TENM3: variants seen among roughly 807,000 people sequenced by gnomAD.
The protein encoded by TENM3 is teneurin-3.
Under a neutral mutation model 255.1 loss-of-function variants are expected in TENM3, and 63 were observed. That is an observed-to-expected ratio of 0.25 (90% CI 0.20 to 0.30). The LOEUF (loss-of-function observed/expected upper bound fraction) is 0.30, where lower values mean the gene tolerates loss of function less well. TENM3 is among the 10% of genes least tolerant of loss of function. The pLI, the probability that TENM3 is intolerant of heterozygous loss-of-function variation, is 1.00. For synonymous variants in TENM3, 1,306 were observed against 1,322.3 expected, an observed-to-expected ratio of 0.99 and a Z score of 0.27; for missense variants, 2,929 against 3,461.1, an observed-to-expected ratio of 0.85 and a Z score of 3.86.
At chr4:182,724,867 A>G (rs934929671) in intron 13 of TENM3, among the ~76,000 whole-genome samples, 4 of 152,228 alleles carry the variant, frequency 2.6e-5, no homozygotes, top group Non-Finnish European at 5.9e-5. Context: ...AAAACCTGCA[A>G]GAATATCAGA....
chr4:181,782,366 G>C, the TENM3 span, among the ~76,000 whole-genome samples: 1 of 152,076 alleles, frequency 6.6e-6, no homozygotes, highest in Non-Finnish European at 1.5e-5. Flanking sequence ...TATGTGTCCA[G>C]GAATTTATCC....
At chr4:181,490,935 A>G in the TENM3 span, among the ~76,000 whole-genome samples, 4 of 151,950 alleles carry the variant, frequency 2.6e-5, no homozygotes, top group African/African-American at 9.7e-5. Flanking sequence ...TTTCCCCTCT[A>G]CCCTCCAAAA....
chr4:181,743,171 T>G, the TENM3 span, among the ~76,000 whole-genome samples: 11 of 152,136 alleles, frequency 7.2e-5, no homozygotes, highest in African/African-American at 2.4e-4. Context: ...GCATGATTTA[T>G]AGTCCTTTGG....
At chr4:182,597,898 G>A (rs1442558654) in intron 3 of TENM3, among the ~76,000 whole-genome samples, 2 of 152,194 alleles carry the variant, frequency 1.3e-5, no homozygotes, top group African/African-American at 2.4e-5. Flanking sequence ...TTTCTGTCCA[G>A]GCCAGGCACA....
At position 182,729,189 on chromosome 4, in the gene TENM3, C is replaced by T. The variant is rs1273275892; in HGVS notation, c.2585+8C>T. On this transcript the variant is annotated splice_region_variant and intron_variant, in intron 14 of 27. Coordinates refer to ENST00000511685, the MANE Select transcript of TENM3 (RefSeq NM_001080477.4). ...AAGTCCTTTCAATAAGAGGTTAATG[C>T]TTCTTTTCCATATGTAGATTTGTAA... 6.3e-7 allele frequency: 1 copy of T among 1,599,880 alleles called. No individual in the cohort carries two copies.
At chr4:182,610,266 A>G (rs978345421) in intron 4 of TENM3, among the ~76,000 whole-genome samples, 4 of 152,250 alleles carry the variant, frequency 2.6e-5, no homozygotes, top group African/African-American at 9.6e-5. Context: ...TCATTTATGC[A>G]GGAAATATTG....
chr4:181,515,919 A>G, the TENM3 span, among the ~76,000 whole-genome samples: 6 of 152,348 alleles, frequency 3.9e-5, no homozygotes, highest in African/African-American at 1.4e-4. Flanking sequence ...AGCACTCTTC[A>G]CAATACCAAA....
intron 1 of TENM3, among the ~76,000 whole-genome samples, chr4:182,299,013 A>AGGT (rs111604362): frequency 0.095 from 8,914 of 94,056 alleles, 1,397 homozygotes; most frequent in African/African-American, 0.31. Flanking sequence ...AAAAAAAAAA[A>AGGT]AAAGAGGTAA....
the TENM3 span, among the ~76,000 whole-genome samples, chr4:182,094,246 T>G: frequency 6.6e-6 from 1 of 151,530 alleles, no homozygotes; most frequent in African/African-American, 2.4e-5. Flanking sequence ...AGACTCATTC[T>G]TTACTTTTTT....
the TENM3 span, among the ~76,000 whole-genome samples, chr4:181,719,208 G>A: frequency 2.2e-5 from 3 of 139,374 alleles, no homozygotes; most frequent in Admixed American, 7.2e-5. Flanking sequence ...GCGAGACTCC[G>A]TCTCAAAAAA....
chr4:182,453,105 A>G (rs1482422729), intron 3 of TENM3, among the ~76,000 whole-genome samples: 1 of 152,092 alleles, frequency 6.6e-6, no homozygotes, highest in African/African-American at 2.4e-5. Flanking sequence ...CAGTTGTTTT[A>G]GGATTGTTGT....
the TENM3 span, among the ~76,000 whole-genome samples, chr4:181,755,395 A>G: frequency 1.9e-3 from 293 of 152,028 alleles, no homozygotes; most frequent in African/African-American, 6.4e-3. Flanking sequence ...CTGGTATAAC[A>G]TGATTCTAGG....
rs1245660810 is a variant in TENM3 at position 182,474,011 on chromosome 4, G to C, written c.512-126913G>C. 3.3e-5 allele frequency among the ~76,000 whole-genome samples: 5 copies of C among 152,138 alleles called. No homozygotes were observed. In the South Asian group the frequency reaches 1.0e-3, roughly 31 times the overall value. ...AAATTGTATTGGAAATGTATCTCCTGATGAGATGAGGTGGTAATTATAATT... is the reference window on the plus strand; with the variant it reads ...AAATTGTATTGGAAATGTATCTCCTCATGAGATGAGGTGGTAATTATAATT... On this transcript the variant is annotated intron_variant, in intron 3 of 27. Transcript: ENST00000511685.
At chr4:181,865,421 G>A in the TENM3 span, among the ~76,000 whole-genome samples, 1 of 152,148 alleles carries the variant, frequency 6.6e-6, no homozygotes, top group Admixed American at 6.5e-5. Context: ...CAAAGGGACA[G>A]AAGACACAAA....
chr4:181,855,795 G>T, the TENM3 span, among the ~76,000 whole-genome samples: 1 of 150,810 alleles, frequency 6.6e-6, no homozygotes, highest in Non-Finnish European at 1.5e-5. Context: ...AAAGAAAACA[G>T]AAAATGAGAA....
chr4:181,884,950 T>C, the TENM3 span, among the ~76,000 whole-genome samples: 1 of 152,172 alleles, frequency 6.6e-6, no homozygotes, highest in Non-Finnish European at 1.5e-5. Context: ...TTGGAAATGT[T>C]TTTATGGAAA....
chr4:181,875,513 G>A, the TENM3 span, among the ~76,000 whole-genome samples: 1 of 150,860 alleles, frequency 6.6e-6, no homozygotes, highest in Non-Finnish European at 1.5e-5. Flanking sequence ...GTCAAAATGT[G>A]TCTTTGAGAA....
chr4:181,550,562 G>T, the TENM3 span, among the ~76,000 whole-genome samples: 38 of 152,102 alleles, frequency 2.5e-4, no homozygotes, highest in African/African-American at 9.2e-4. Context: ...TGACACTGAT[G>T]CACTGATATA....
intron 13 of TENM3, among the ~76,000 whole-genome samples, chr4:182,726,086 G>A (rs1053800924): frequency 2.0e-5 from 3 of 152,074 alleles, no homozygotes; most frequent in Non-Finnish European, 4.4e-5. Context: ...CTGCTTATCA[G>A]AAATCCTGAC....
Sources: gnomAD v4.1 joint callset for allele counts (sites outside exome capture counted in the v4.1 genomes callset) on GRCh38, gnomAD v4.1.1 for gene constraint, MANE v1.5 for transcripts, NCBI Gene and HGNC (gene_info 2026-07-23, HGNC 2026-07-21) for gene names.